The following LINGO2 variants were observed in gnomAD, a reference collection of about 807,000 sequenced individuals.
LINGO2 encodes leucine rich repeat and Ig domain containing 2, also known as leucine-rich repeat and immunoglobulin-like domain-containing nogo receptor-interacting protein 2.
A neutral mutation model predicts 30.6 loss-of-function variants in LINGO2; 14 were observed. The observed-to-expected ratio is 0.46, with a 90% CI of 0.30 to 0.72. LINGO2 has a LOEUF of 0.72. LINGO2 is among the 30% of genes least tolerant of loss of function. The pLI is 0.07. For missense variants in LINGO2, 729 were observed against 751.7 expected (o/e 0.97, Z 0.35); for synonymous variants, 317 against 288.5 (o/e 1.10, Z -1.00).
chr9:28,356,932 G>A lies in LINGO2; in HGVS notation c.-246+15904C>T, dbSNP rs184537140. On this transcript the variant is annotated intron_variant, in intron 3 of 5. Transcript: ENST00000379992. ...AGAAATATGGGGTAGGGGTAAAAAC[G>A]GCTCTGAGAATTTTAAAGGGCTACA... Among the ~76,000 whole-genome samples the A allele has an allele frequency of 6.7e-4, 14 of 20,818 alleles. No individual in the cohort carries two copies. In the East Asian group the frequency reaches 0.018, roughly 27 times the overall value. The allele number at this position is 20,818 out of a possible 152,430, so 13.7% of individuals were successfully genotyped here.
At chr9:28,045,888 C>T (rs1011117639) in intron 4 of LINGO2, among the ~76,000 whole-genome samples, 2 of 152,246 alleles carry the variant, frequency 1.3e-5, no homozygotes, top group African/African-American at 4.8e-5. Flanking sequence ...CTACTACAAC[C>T]CACCTCCTGA....
At chr9:28,554,325 C>CA (rs1395461479) in intron 1 of LINGO2, among the ~76,000 whole-genome samples, 1 of 147,474 alleles carries the variant, frequency 6.8e-6, no homozygotes, top group Non-Finnish European at 1.5e-5. Context: ...CAATGGAAAA[C>CA]AAAAAAAGGC....
At chr9:28,036,112 T>C (rs1399041889) in intron 4 of LINGO2, among the ~76,000 whole-genome samples, 1 of 152,160 alleles carries the variant, frequency 6.6e-6, no homozygotes, top group African/African-American at 2.4e-5. Flanking sequence ...AAAGGAGTTT[T>C]CTACTGGTGA....
chr9:28,468,920 G>T (rs76849291), intron 2 of LINGO2, among the ~76,000 whole-genome samples: 1 of 151,762 alleles, frequency 6.6e-6, no homozygotes. Flanking sequence ...AGGGTAATAC[G>T]GTCCATCAAA....
At chr9:28,860,960 T>G in the LINGO2 span, among the ~76,000 whole-genome samples, 33 of 133,482 alleles carry the variant, frequency 2.5e-4, no homozygotes, top group African/African-American at 8.1e-4. Flanking sequence ...TATAATATAT[T>G]ATATATCATT....
At chr9:28,790,242 A>G in the LINGO2 span, among the ~76,000 whole-genome samples, 1 of 151,896 alleles carries the variant, frequency 6.6e-6, no homozygotes, top group African/African-American at 2.4e-5. Context: ...ACTTATCATT[A>G]CGAGGTCAAT....
At chr9:29,042,431 G>A in the LINGO2 span, among the ~76,000 whole-genome samples, 2 of 151,914 alleles carry the variant, frequency 1.3e-5, no homozygotes, top group African/African-American at 4.8e-5. Context: ...TCCCAAAAGT[G>A]AATAATCCCA....
At chr9:28,436,804 G>A (rs1246231834) in intron 2 of LINGO2, among the ~76,000 whole-genome samples, 4 of 152,146 alleles carry the variant, frequency 2.6e-5, no homozygotes, top group Admixed American at 6.5e-5. Context: ...AAATGAAGAA[G>A]AGATAAGGCA....
At chr9:28,036,463 G>A (rs1316680539) in intron 4 of LINGO2, among the ~76,000 whole-genome samples, 2 of 151,482 alleles carry the variant, frequency 1.3e-5, no homozygotes. Flanking sequence ...GAAGATTTAA[G>A]TTATCAATCT....
chr9:28,577,117 C>T (rs1824028452), intron 1 of LINGO2, among the ~76,000 whole-genome samples: 1 of 152,064 alleles, frequency 6.6e-6, no homozygotes, highest in South Asian at 2.1e-4. Flanking sequence ...AATTAAATTG[C>T]CTTTATAAAA....
chr9:28,008,258 C>G (rs562254169), intron 5 of LINGO2, among the ~76,000 whole-genome samples: 6 of 152,220 alleles, frequency 3.9e-5, no homozygotes, highest in Non-Finnish European at 8.8e-5. Flanking sequence ...TCTCAGCCTT[C>G]TGGTATTTAT....
chr9:28,200,503 G>GA (rs143548399), intron 4 of LINGO2, among the ~76,000 whole-genome samples: 57 of 145,328 alleles, frequency 3.9e-4, no homozygotes, highest in East Asian at 9.9e-4. Context: ...TTCTCTTAAG[G>GA]AAAAAAAAAA....
chr9:28,074,217 C>G (rs866089232), intron 4 of LINGO2, among the ~76,000 whole-genome samples: 1 of 152,148 alleles, frequency 6.6e-6, no homozygotes, highest in Non-Finnish European at 1.5e-5. Context: ...GTAAGACCAA[C>G]CTTGACTTCA....
intron 4 of LINGO2, among the ~76,000 whole-genome samples, chr9:28,013,595 GAGA>G (rs1288060811): frequency 1.3e-5 from 2 of 152,210 alleles, no homozygotes; most frequent in African/African-American, 2.4e-5. Flanking sequence ...GGGAGTGAAT[GAGA>G]AGAAGCTGAT....
At chr9:28,179,575 T>C (rs1463899882) in intron 4 of LINGO2, among the ~76,000 whole-genome samples, 1 of 126,504 alleles carries the variant, frequency 7.9e-6, no homozygotes, top group Non-Finnish European at 1.7e-5. Context: ...ATGTATACGA[T>C]ATGTAGTATT....
At chr9:28,816,603 C>G in the LINGO2 span, among the ~76,000 whole-genome samples, 1 of 152,100 alleles carries the variant, frequency 6.6e-6, no homozygotes, top group African/African-American at 2.4e-5. Flanking sequence ...TACAAAGGGT[C>G]TGTGTCTCTA....
chr9:28,993,687 C>T, the LINGO2 span, among the ~76,000 whole-genome samples: 1 of 150,412 alleles, frequency 6.6e-6, no homozygotes, highest in Non-Finnish European at 1.5e-5. Flanking sequence ...TGGGCATCAT[C>T]CCTGGGACGC....
At chr9:28,925,302 T>C in the LINGO2 span, among the ~76,000 whole-genome samples, 1 of 152,202 alleles carries the variant, frequency 6.6e-6, no homozygotes, top group Non-Finnish European at 1.5e-5. Context: ...CCTGGGGATC[T>C]TGAACCAGAG....
the LINGO2 span, among the ~76,000 whole-genome samples, chr9:28,776,253 AAGG>A: frequency 6.6e-6 from 1 of 151,438 alleles, no homozygotes; most frequent in Non-Finnish European, 1.5e-5. Context: ...CAGTAGCCAA[AAGG>A]AGGCTATCAC....
Sources: gnomAD v4.1 joint callset for allele counts (sites outside exome capture counted in the v4.1 genomes callset) on GRCh38, gnomAD v4.1.1 for gene constraint, MANE v1.5 for transcripts, NCBI Gene and HGNC (gene_info 2026-07-23, HGNC 2026-07-21) for gene names.